The following PID1 variants were observed in gnomAD, a reference collection of about 807,000 sequenced individuals.
PID1 encodes the protein phosphotyrosine interaction domain containing 1.
PID1 carries 10 observed loss-of-function variants against 19.1 expected under a neutral mutation model. The ratio of observed to expected loss-of-function variants is 0.52; its 90% CI spans 0.32 to 0.89. The LOEUF is 0.89. Ranked by LOEUF, PID1 falls within the 40% of genes least tolerant of loss-of-function variation. The pLI is 0.03. For missense variants in PID1, 248 were observed against 285.3 expected, an observed-to-expected ratio of 0.87 and a Z score of 0.94; for synonymous variants, 130 against 116.0, an observed-to-expected ratio of 1.12 and a Z score of -0.78.
chr2:229,258,657 GT>G (rs1259616889), intron 1 of PID1, among the ~76,000 whole-genome samples: 1 of 152,128 alleles, frequency 6.6e-6, no homozygotes, highest in African/African-American at 2.4e-5. Context: ...TAATCAAGAT[GT>G]TGATCCTGGC....
At chr2:229,177,593 A>T (rs1574694196) in intron 1 of PID1, among the ~76,000 whole-genome samples, 4 of 152,058 alleles carry the variant, frequency 2.6e-5, no homozygotes, top group Admixed American at 2.6e-4. Context: ...ACTTATTTTC[A>T]TGAGTGACTT....
chr2:229,255,913 GA>G (rs370909595), intron 1 of PID1, among the ~76,000 whole-genome samples: 36 of 152,334 alleles, frequency 2.4e-4, no homozygotes, highest in Middle Eastern at 3.4e-3. Context: ...AGAGGGGACA[GA>G]AGTTGGCCTC....
intron 1 of PID1, among the ~76,000 whole-genome samples, chr2:229,262,060 CTTCT>C (rs778994878): frequency 3.3e-5 from 5 of 152,164 alleles, no homozygotes; most frequent in African/African-American, 7.2e-5. Context: ...TTTAAATATA[CTTCT>C]TTGTCAGCTT....
At chr2:229,202,545 T>C (rs140320050) in intron 1 of PID1, among the ~76,000 whole-genome samples, 11 of 152,142 alleles carry the variant, frequency 7.2e-5, no homozygotes, top group African/African-American at 2.2e-4. Flanking sequence ...GAAAGAGTAC[T>C]CCAGTTGCCT....
At chr2:229,082,530 C>A (rs1694688045) in intron 2 of PID1, among the ~76,000 whole-genome samples, 1 of 152,170 alleles carries the variant, frequency 6.6e-6, no homozygotes, top group Non-Finnish European at 1.5e-5. Context: ...CGAAAATTTT[C>A]TCTTGCTGTA....
chr2:229,241,504 T>G (rs17321741), intron 1 of PID1, among the ~76,000 whole-genome samples: 21,775 of 152,122 alleles, frequency 0.14, 1,766 homozygotes, highest in South Asian at 0.19. Context: ...AGAAATCTGA[T>G]TGTTGCACAA....
intron 1 of PID1, among the ~76,000 whole-genome samples, chr2:229,229,709 T>C (rs974967255): frequency 3.3e-5 from 5 of 152,220 alleles, no homozygotes; most frequent in African/African-American, 1.2e-4. Flanking sequence ...ATCAAAATGT[T>C]CTACCATACA....
At chr2:229,135,128 G>T (rs938292906) in intron 2 of PID1, among the ~76,000 whole-genome samples, 4 of 152,166 alleles carry the variant, frequency 2.6e-5, no homozygotes, top group Admixed American at 1.3e-4. Flanking sequence ...GGAAGAAGTG[G>T]AAGGGTCTTG....
chr2:229,190,630 C>T (rs930167836), intron 1 of PID1, among the ~76,000 whole-genome samples: 2 of 152,234 alleles, frequency 1.3e-5, no homozygotes, highest in Admixed American at 6.5e-5. Context: ...TCTGTTTTAT[C>T]GGTCTATCTA....
chr2:229,227,811 C>A (rs1692113020), intron 1 of PID1: 2 of 314,400 alleles, frequency 6.4e-6, no homozygotes, highest in African/African-American at 2.2e-5. Context: ...AGACTTTTTT[C>A]TTGTCATTAT....
At chr2:229,225,254 T>C (rs948330952) in intron 1 of PID1, among the ~76,000 whole-genome samples, 1 of 152,062 alleles carries the variant, frequency 6.6e-6, no homozygotes, top group Non-Finnish European at 1.5e-5. Context: ...GTAGTGGGAA[T>C]GAAATTAGCT....
At chr2:229,228,367 G>A (rs1016079677) in intron 1 of PID1, among the ~76,000 whole-genome samples, 1 of 152,014 alleles carries the variant, frequency 6.6e-6, no homozygotes, top group African/African-American at 2.4e-5. Flanking sequence ...AATCCAACTG[G>A]TAATAACAAT....
intron 2 of PID1, among the ~76,000 whole-genome samples, chr2:229,147,428 C>T (rs1218494956): frequency 6.6e-6 from 1 of 151,856 alleles, no homozygotes; most frequent in African/African-American, 2.4e-5. Flanking sequence ...AAAAGTGTAT[C>T]CCTAGTTTTA....
chr2:229,270,520 T>C (rs1690706175), intron 1 of PID1, among the ~76,000 whole-genome samples: 1 of 151,686 alleles, frequency 6.6e-6, no homozygotes, highest in Non-Finnish European at 1.5e-5. Context: ...AGAGAACCAA[T>C]GAATAGGGAA....
At chr2:229,041,521 AC>A (rs1266175651) in intron 2 of PID1, among the ~76,000 whole-genome samples, 3 of 152,210 alleles carry the variant, frequency 2.0e-5, no homozygotes, top group African/African-American at 7.2e-5. Context: ...CTAGAAAATC[AC>A]CGTTTGACTC....
At chr2:229,143,404 C>T (rs947610391) in intron 2 of PID1, among the ~76,000 whole-genome samples, 1 of 152,030 alleles carries the variant, frequency 6.6e-6, no homozygotes, top group Non-Finnish European at 1.5e-5. Context: ...TATCATCTGT[C>T]CTTATATCTT....
At chr2:229,073,085 G>T (rs1262662856) in intron 2 of PID1, among the ~76,000 whole-genome samples, 2 of 152,188 alleles carry the variant, frequency 1.3e-5, no homozygotes, top group Non-Finnish European at 2.9e-5. Context: ...GAGTGCAGTG[G>T]TGGGATCTCA....
At chr2:229,111,582 G>C (rs575552092) in intron 2 of PID1, among the ~76,000 whole-genome samples, 3 of 152,234 alleles carry the variant, frequency 2.0e-5, no homozygotes, top group Non-Finnish European at 4.4e-5. Context: ...GATCACTTTT[G>C]ACTCCCTTTA....
intron 2 of PID1, among the ~76,000 whole-genome samples, chr2:229,064,055 G>T (rs750599499): frequency 6.6e-6 from 1 of 152,066 alleles, no homozygotes; most frequent in Non-Finnish European, 1.5e-5. Context: ...AAAATGTTGA[G>T]GCTGGAGAAG....
Sources: allele counts gnomAD v4.1 joint callset (sites outside exome capture counted in the v4.1 genomes callset), GRCh38; gene constraint gnomAD v4.1.1; transcripts MANE v1.5; gene names NCBI Gene and HGNC (gene_info 2026-07-23, HGNC 2026-07-21).